Variants in FA2H observed in about 807,000 individuals in gnomAD.
FA2H encodes the protein fatty acid alpha-hydroxylase.
FA2H carries 22 observed loss-of-function variants against 44.9 expected under a neutral mutation model. The ratio of observed to expected loss-of-function variants is 0.49; its 90% CI spans 0.35 to 0.70. FA2H has a LOEUF of 0.70. FA2H is among the 30% of genes least tolerant of loss of function. The pLI, the probability that FA2H is intolerant of heterozygous loss-of-function variation, is 0.01. For synonymous variants in FA2H, 243 were observed against 213.2 expected (o/e 1.14, Z -1.22); for missense variants, 501 against 504.9 (o/e 0.99, Z 0.07).
In FA2H at chr16:74,739,184, C is replaced by T. The variant is rs925037843; in HGVS notation, c.363+839G>A. ...GGTGGGGAGGGGTTACTGTCCCCTG[C>T]ACCAGGCTGTGAGCTCTCGCAGGGA... On this transcript the variant is annotated intron_variant, in intron 2 of 6. Transcript: ENST00000219368. Among the ~76,000 whole-genome samples, 4 of 152,296 alleles carry T rather than the reference C, an allele frequency of 2.6e-5. No homozygotes were observed. The East Asian group carries it at 7.7e-4, about 29-fold the overall frequency.
rs570189492 is a variant in FA2H at position 74,768,410 on chromosome 16, C to A, written c.270+6076G>T. Among the ~76,000 whole-genome samples the A allele has an allele frequency of 2.0e-5, 3 of 152,330 alleles. No homozygotes were observed. The South Asian group carries it at 6.2e-4, about 32-fold the overall frequency. ...CACCAGCTGGCCCTAGCTTCGTCCT[C>A]CAGGTGAGACTCGACTGGCACCACA... On this transcript the variant is annotated intron_variant, in intron 1 of 6. Coordinates refer to ENST00000219368, the MANE Select transcript of FA2H (RefSeq NM_024306.5).
chr16:74,718,374 C>T (rs998229377), intron 5 of FA2H, among the ~76,000 whole-genome samples: 1 of 152,136 alleles, frequency 6.6e-6, no homozygotes, highest in Non-Finnish European at 1.5e-5. Context: ...GCGGGGGGTA[C>T]AGGGGAGGTA....
chr16:74,770,841 C>T (rs543116772), intron 1 of FA2H, among the ~76,000 whole-genome samples: 1 of 152,322 alleles, frequency 6.6e-6, no homozygotes, highest in East Asian at 1.9e-4. Context: ...CAGGTTGGGG[C>T]CCAGAAGTAA....
Position 74,753,123 on chromosome 16 carries a change from A to G in FA2H, c.271-13008T>C, listed in dbSNP as rs144154900. ...CTGCGTCCTGTTCCACAGCTCTCAT[A>G]TTATCTCACTGTAGCCACACAGAAT... On this transcript the variant is annotated intron_variant, in intron 1 of 6. Coordinates refer to ENST00000219368, the MANE Select transcript of FA2H (RefSeq NM_024306.5). 2.5e-3 allele frequency among the ~76,000 whole-genome samples: 380 copies of G among 152,280 alleles called. 2 individuals are homozygous for G. The highest frequency in any genetic ancestry group is 8.5e-3 in the African/African-American group (353 of 41,556).
Position 74,714,240 on chromosome 16 carries a change from A to T in FA2H, c.1069T>A (p.Tyr357Asn), listed in dbSNP as rs1358996501. 4 of 1,564,050 alleles carry T rather than the reference A, an allele frequency of 2.6e-6. No individual in the cohort carries two copies. The African/African-American group carries it at 5.4e-5, about 21-fold the overall frequency. Reference protein sequence around the residue: ...GFGISTKLWDYCFHTLTPEKP... With the variant: ...GFGISTKLWDNCFHTLTPEKP... Reference sequence around the variant, plus strand: ...TCTGGAGTGAGGGTGTGGAAACAGTAATCCCACAATTTAGTGCTGATACCA... The same window carrying T: ...TCTGGAGTGAGGGTGTGGAAACAGTTATCCCACAATTTAGTGCTGATACCA... The change falls in exon 7 of 7, where the codon TAC becomes AAC. Residue 357 changes from tyrosine to asparagine, a missense_variant. Tyr to Asn is a moderately radical substitution (Grantham distance 143). Coordinates refer to ENST00000219368, the MANE Select transcript of FA2H (RefSeq NM_024306.5).
intron 2 of FA2H, among the ~76,000 whole-genome samples, chr16:74,737,424 A>G: frequency 6.6e-6 from 1 of 152,130 alleles, no homozygotes; most frequent in East Asian, 1.9e-4. Flanking sequence ...GTAAAATTCC[A>G]CACAGAGCCC....
At chr16:74,726,178 C>T (rs1205900382) in intron 4 of FA2H, 47 bp downstream of exon 4, 1 of 1,319,148 alleles carries the variant, frequency 7.6e-7, no homozygotes, top group Non-Finnish European at 1.1e-6. Flanking sequence ...CTGAGGTCTC[C>T]TCCCTCTAGG....
At chr16:74,727,127 CTT>C in intron 3 of FA2H, 115 bp downstream of exon 3, 1 of 1,392,896 alleles carries the variant, frequency 7.2e-7, no homozygotes, top group Non-Finnish European at 1.0e-6. Flanking sequence ...TCCCTGACAG[CTT>C]TACAGCATAG....
At chr16:74,723,877 C>G (rs2144612818) in intron 4 of FA2H, among the ~76,000 whole-genome samples, 1 of 151,974 alleles carries the variant, frequency 6.6e-6, no homozygotes, top group Non-Finnish European at 1.5e-5. Flanking sequence ...TGAGTATATA[C>G]ATTGTATTAT....
intron 2 of FA2H, among the ~76,000 whole-genome samples, chr16:74,728,455 G>A (rs747439564): frequency 3.3e-5 from 5 of 152,082 alleles, no homozygotes; most frequent in Non-Finnish European, 7.4e-5. Context: ...ATCAACATGG[G>A]GGATTTGACA....
rs138222636 is a variant in FA2H at position 74,737,010 on chromosome 16, C to T, written c.363+3013G>A. ...CAGATAACCAATAATACATTGAAAGCGGCTGGCACACAGTGAGGGCTCAGT... is the reference window on the plus strand; with the variant it reads ...CAGATAACCAATAATACATTGAAAGTGGCTGGCACACAGTGAGGGCTCAGT... On this transcript the variant is annotated intron_variant, in intron 2 of 6. Transcript: ENST00000219368. 1.7e-4 allele frequency among the ~76,000 whole-genome samples: 26 copies of T among 152,220 alleles called. No individual in the cohort carries two copies. In the South Asian group the frequency reaches 2.1e-3, roughly 12 times the overall value.
chr16:74,743,877 C>G (rs569467935), intron 1 of FA2H, among the ~76,000 whole-genome samples: 4 of 152,324 alleles, frequency 2.6e-5, no homozygotes, highest in African/African-American at 9.6e-5. Flanking sequence ...CCAAGGAAAA[C>G]CAGAGCCAGC....
chr16:74,774,492 C>A lies in FA2H; in HGVS notation c.264G>T (p.Glu88Asp). The A allele has an allele frequency of 1.3e-6, 2 of 1,516,514 alleles. No homozygotes were observed. Among genetic ancestry groups the A allele is most frequent in the Non-Finnish European group, 1.8e-6 (2 of 1,138,734 alleles). 93.9% of individuals were successfully genotyped at this position (1,516,514 alleles called of 1,614,324 possible). The stretch of plus-strand genomic sequence containing the variant: ...GGCCCCGGCCCGGCTGTACCTGCTG[C>A]TCCCCGCGGAGCTCTCCCACGTAGT... Reference protein sequence around the residue: ...EQYYVGELRGEQQGSMENEPV... With the variant: ...EQYYVGELRGDQQGSMENEPV... Residue 88 changes from glutamate to aspartate, a missense_variant, in exon 1 of 7, where the codon GAG becomes GAT. Glu to Asp is a conservative substitution (Grantham distance 45, BLOSUM62 2). Coordinates refer to ENST00000219368, the MANE Select transcript of FA2H (RefSeq NM_024306.5).
intron 1 of FA2H, among the ~76,000 whole-genome samples, chr16:74,750,351 G>A (rs1300232583): frequency 6.6e-6 from 1 of 152,100 alleles, no homozygotes; most frequent in African/African-American, 2.4e-5. Context: ...TTTAAAAGGA[G>A]AATCAAGACT....
intron 1 of FA2H, among the ~76,000 whole-genome samples, chr16:74,753,680 A>T (rs1962567852): frequency 6.6e-6 from 1 of 152,016 alleles, no homozygotes; most frequent in South Asian, 2.1e-4. Context: ...CTCAAAATAA[A>T]TAAATAACCC....
chr16:74,746,199 G>A (rs1323477833), intron 1 of FA2H, among the ~76,000 whole-genome samples: 9 of 151,994 alleles, frequency 5.9e-5, no homozygotes, highest in Admixed American at 5.9e-4. Flanking sequence ...CTCTGACTTA[G>A]GTCCAAGTCA....
chr16:74,753,595 C>T (rs1425045795), intron 1 of FA2H, among the ~76,000 whole-genome samples: 2 of 152,118 alleles, frequency 1.3e-5, no homozygotes, highest in Non-Finnish European at 1.5e-5. Context: ...ATCGCTTGAA[C>T]CCAGGAGTTG....
At chr16:74,730,294 G>T (rs1436378215) in intron 2 of FA2H, among the ~76,000 whole-genome samples, 1 of 152,098 alleles carries the variant, frequency 6.6e-6, no homozygotes, top group Non-Finnish European at 1.5e-5. Flanking sequence ...GGTACTGGCT[G>T]CCTTCCTGTG....
At chr16:74,751,142 C>T (rs1396182176) in intron 1 of FA2H, among the ~76,000 whole-genome samples, 2 of 151,834 alleles carry the variant, frequency 1.3e-5, no homozygotes, top group African/African-American at 4.8e-5. Context: ...TCACCCAGGC[C>T]AGAGTGTAGT....
Sources: gnomAD v4.1 joint callset for allele counts (sites outside exome capture counted in the v4.1 genomes callset) on GRCh38, gnomAD v4.1.1 for gene constraint, MANE v1.5 for transcripts, NCBI Gene and HGNC (gene_info 2026-07-23, HGNC 2026-07-21) for gene names.